Variants in FZD3 observed in about 807,000 individuals in gnomAD.
FZD3 encodes the protein frizzled class receptor 3, also known as frizzled-3.
A neutral mutation model predicts 60.7 loss-of-function variants in FZD3; 30 were observed. The observed-to-expected ratio is 0.49, with a 90% confidence interval of 0.37 to 0.67. The LOEUF is 0.67. Among genes scored for constraint, FZD3 ranks in the 30% least tolerant of loss-of-function variants. The probability of loss-of-function intolerance (pLI) is 0.00; values close to 1 mark genes in which losing one functional copy is unlikely to be tolerated. For missense variants in FZD3, 605 were observed against 838.7 expected (o/e 0.72, Z 3.44); for synonymous variants, 246 against 275.2 (o/e 0.89, Z 1.05).
At chr8:28,544,598 G>A (rs1453201815) in intron 5 of FZD3, among the ~76,000 whole-genome samples, 1 of 151,878 alleles carries the variant, frequency 6.6e-6, no homozygotes, top group Non-Finnish European at 1.5e-5. Flanking sequence ...AAGTTTTCCT[G>A]GTTAAATGTT....
At chr8:28,519,051 T>G (rs561137636) in intron 3 of FZD3, among the ~76,000 whole-genome samples, 1 of 152,252 alleles carries the variant, frequency 6.6e-6, no homozygotes, top group Non-Finnish European at 1.5e-5. Context: ...ATATCAGTTA[T>G]TATATTCATT....
chr8:28,547,876 G>A (rs997244175), intron 5 of FZD3, among the ~76,000 whole-genome samples: 24 of 148,150 alleles, frequency 1.6e-4, no homozygotes, highest in Middle Eastern at 6.9e-3. Flanking sequence ...TTTTTGAGAC[G>A]GAGCCTAGCT....
intron 5 of FZD3, among the ~76,000 whole-genome samples, chr8:28,539,668 G>A (rs570485814): frequency 6.6e-6 from 1 of 152,186 alleles, no homozygotes; most frequent in East Asian, 1.9e-4. Flanking sequence ...GTGACCATAG[G>A]CTTGATATAA....
chr8:28,523,720 G>T (rs1378374791), intron 4 of FZD3, among the ~76,000 whole-genome samples: 1 of 152,172 alleles, frequency 6.6e-6, no homozygotes, highest in East Asian at 1.9e-4. Context: ...ACTGCGCTTG[G>T]CCAGGCTCTG....
rs199940494 is a variant in FZD3, at chr8:28,531,823, C to T, written c.1404+3659C>T. 8.5e-5 allele frequency among the ~76,000 whole-genome samples: 13 copies of T among 152,170 alleles called. No individual in the cohort carries two copies. In the East Asian group the frequency reaches 2.3e-3, roughly 27 times the overall value. ...TTTAAATATTATTGGTTTTCTTTGT[C>T]AGTCATTTGCGTTACAGATATTTTC... is the stretch of plus-strand genomic sequence containing the variant. On this transcript the variant is annotated intron_variant, in intron 5 of 7. Transcript: ENST00000240093.
At chr8:28,550,481 C>CTTTTTTTTTTTTT (rs386412443) in intron 5 of FZD3, among the ~76,000 whole-genome samples, 3 of 34,344 alleles carry the variant, frequency 8.7e-5, no homozygotes, top group African/African-American at 2.7e-4. Flanking sequence ...CTTCTTTTAT[C>CTTTTTTTTTTTTT]TTTTTTTTTT....
At chr8:28,502,590 A>G (rs920216447) in intron 2 of FZD3, 80 bp from the exon 3 acceptor site, 12 of 153,914 alleles carry the variant, frequency 7.8e-5, no homozygotes, top group Non-Finnish European at 1.6e-4. Context: ...ATCTCTCATC[A>G]AAGATTTTTA....
Position 28,571,182 on chromosome 8 carries a change from C to A in FZD3, c.*8171C>A, listed in dbSNP as rs1455860599. On this transcript the variant is annotated 3_prime_UTR_variant, in exon 8 of 8. Transcript: ENST00000240093. ...TATTCTGTAAGATAAAGCAAGTAATCCTAGAGTGATTTACTTTATGTTTAG... is the reference window on the plus strand; with the variant it reads ...TATTCTGTAAGATAAAGCAAGTAATACTAGAGTGATTTACTTTATGTTTAG... 6.6e-6 allele frequency: 1 copy of A among 152,000 alleles called. No individual in the cohort carries two copies. The highest frequency in any genetic ancestry group is 1.5e-5 in the Non-Finnish European group (1 of 67,982). The allele number at this position is 152,000 out of a possible 1,614,324, so 9.4% of individuals were successfully genotyped here.
Position 28,527,572 on chromosome 8 carries a change from A to G in FZD3, c.812A>G (p.Gln271Arg), listed in dbSNP as rs748397083. The change falls in exon 5 of 8, where the codon CAA becomes CGA. Residue 271 changes from glutamine to arginine, a missense_variant. Gln to Arg is a conservative substitution (Grantham distance 43, BLOSUM62 1). Transcript: ENST00000240093. This position sits in a 1 kb window ranked among gnomAD's most constrained non-coding sequence, Gnocchi z 5.0. ...RVACNASIPA[Q>R]YKASTVTQGS... Reference sequence around the variant, plus strand: ...GCCTGCAATGCATCCATCCCTGCACAATATAAGGCTTCCACAGTGACACAA... The same window carrying G: ...GCCTGCAATGCATCCATCCCTGCACGATATAAGGCTTCCACAGTGACACAA... 8 of 1,613,920 alleles carry G rather than the reference A, an allele frequency of 5.0e-6. No individual in the cohort carries two copies. Among genetic ancestry groups the G allele is most frequent in the African/African-American group, 1.3e-5 (1 of 74,932 alleles).
At position 28,565,650 on chromosome 8, in the gene FZD3, A is replaced by G. The variant is rs1805692444; in HGVS notation, c.*2639A>G. 6.6e-6 allele frequency: 1 copy of G among 152,102 alleles called. No homozygotes were observed. The highest frequency in any genetic ancestry group is 1.5e-5 in the Non-Finnish European group (1 of 68,012). The allele number at this position is 152,102 out of a possible 1,614,324, so 9.4% of individuals were successfully genotyped here. On this transcript the variant is annotated 3_prime_UTR_variant, in exon 8 of 8. Coordinates refer to ENST00000240093, the MANE Select transcript of FZD3 (RefSeq NM_017412.4). ...TTAGATAATCATTTGTATTTTCTCT[A>G]TTAAATTGTGGGTATGTATGGGAAT...
Position 28,527,155 on chromosome 8 carries a change from A to T in FZD3, c.395A>T (p.Asp132Val), listed in dbSNP as rs1804734493. Residue 132 changes from aspartate (D) to valine (V), a missense_variant, in exon 5 of 8, where the codon GAT (aspartate) becomes GTT (valine). Coordinates refer to ENST00000240093, the MANE Select transcript of FZD3 (RefSeq NM_017412.4). The surrounding 1 kb of genome is among the most constrained non-coding windows in gnomAD (Gnocchi z 5.0). ...PEDMECSRFPDCDEPYPRLVD... is the reference protein window; with the variant it reads ...PEDMECSRFPVCDEPYPRLVD... ...CTTGTTTTGTTTTTTAGGTTCCCAGATTGTGATGAGCCATATCCTCGACTT... is the reference window on the plus strand; with the variant it reads ...CTTGTTTTGTTTTTTAGGTTCCCAGTTTGTGATGAGCCATATCCTCGACTT... The T allele has an allele frequency of 6.2e-7, 1 of 1,600,592 alleles. No homozygotes were observed. Among genetic ancestry groups the T allele is most frequent in the South Asian group, 1.1e-5 (1 of 88,620 alleles).
chr8:28,539,019 C>T (rs1805092570), intron 5 of FZD3, among the ~76,000 whole-genome samples: 1 of 151,954 alleles, frequency 6.6e-6, no homozygotes, highest in South Asian at 2.1e-4. Context: ...CTTACTCTCT[C>T]GTCTCTTAAA....
At chr8:28,553,820 A>T (rs1193263000) in intron 6 of FZD3, among the ~76,000 whole-genome samples, 1 of 152,226 alleles carries the variant, frequency 6.6e-6, no homozygotes, top group African/African-American at 2.4e-5. Flanking sequence ...ACTATAAGAT[A>T]ATAATAATGG....
At chr8:28,510,338 T>C (rs1804253108) in intron 3 of FZD3, among the ~76,000 whole-genome samples, 1 of 152,234 alleles carries the variant, frequency 6.6e-6, no homozygotes. Flanking sequence ...GATAGGTTCC[T>C]AGAAGTATAA....
At chr8:28,497,059 T>C (rs1803863399) in intron 1 of FZD3, among the ~76,000 whole-genome samples, 1 of 152,220 alleles carries the variant, frequency 6.6e-6, no homozygotes, top group Admixed American at 6.5e-5. Flanking sequence ...TCTTCTGTCT[T>C]CTTTAGTCTT....
At position 28,536,688 on chromosome 8, in the gene FZD3, G is replaced by A. The variant is rs574444928; in HGVS notation, c.1404+8524G>A. Among the ~76,000 whole-genome samples, 9 of 152,200 alleles carry A rather than the reference G, an allele frequency of 5.9e-5. No individual in the cohort carries two copies. The South Asian group carries it at 1.7e-3, about 28-fold the overall frequency. On this transcript the variant is annotated intron_variant, in intron 5 of 7. Transcript: ENST00000240093. ...TGTATCACTGCATTCCAGCCTGGGC[G>A]ACAGGGAGACCCTGTCTCAAAAAAA...
rs1353184390 is a variant in FZD3, at chr8:28,564,209, C to A, written c.*1198C>A. 2 of 152,272 alleles carry A rather than the reference C, an allele frequency of 1.3e-5. No homozygotes were observed. The allele number at this position is 152,272 out of a possible 1,614,324, so 9.4% of individuals were successfully genotyped here. A position where few individuals can be genotyped will look rare whatever the true frequency, so the allele number is the denominator to read the frequency against. On this transcript the variant is annotated 3_prime_UTR_variant, in exon 8 of 8. Coordinates refer to ENST00000240093, the MANE Select transcript of FZD3 (RefSeq NM_017412.4). ...GAATATCATTTAATCTTTAAAAAAT[C>A]AAGTAAAAATGTTTATCTGATAATG...
At chr8:28,548,424 C>T (rs1805344224) in intron 5 of FZD3, among the ~76,000 whole-genome samples, 1 of 152,182 alleles carries the variant, frequency 6.6e-6, no homozygotes, top group Admixed American at 6.5e-5. Flanking sequence ...CCTCAGCCTC[C>T]CTAAGTGCTG....
At chr8:28,551,201 A>G (rs1327909906) in intron 5 of FZD3, among the ~76,000 whole-genome samples, 2 of 152,202 alleles carry the variant, frequency 1.3e-5, no homozygotes, top group African/African-American at 4.8e-5. Context: ...ATAAATGAAA[A>G]CATCAAATTT....
Sources: gnomAD v4.1 joint callset for allele counts (sites outside exome capture counted in the v4.1 genomes callset) on GRCh38, gnomAD v4.1.1 for gene constraint, Gnocchi (gnomAD v3.1) non-coding constraint, MANE v1.5 for transcripts, NCBI Gene and HGNC (gene_info 2026-07-23, HGNC 2026-07-21) for gene names.